BTRC: variants seen among roughly 807,000 people sequenced by gnomAD.
BTRC encodes the protein beta-transducin repeat containing E3 ubiquitin protein ligase, also known as F-box/WD repeat-containing protein 1A.
BTRC carries 42 observed loss-of-function variants against 85.5 expected under a neutral mutation model. The observed-to-expected ratio is 0.49, with a 90% CI of 0.38 to 0.64. The LOEUF (loss-of-function observed/expected upper bound fraction) is 0.64. BTRC is among the 30% of genes least tolerant of loss of function. BTRC has a pLI of 0.00. For missense variants in BTRC, 594 were observed against 743.5 expected, an observed-to-expected ratio of 0.80 and a Z score of 2.34; for synonymous variants, 255 against 263.3, an observed-to-expected ratio of 0.97 and a Z score of 0.30.
intron 2 of BTRC, among the ~76,000 whole-genome samples, chr10:101,445,612 T>C (rs1023174788): frequency 1.3e-5 from 2 of 152,250 alleles, no homozygotes; most frequent in South Asian, 2.1e-4. Flanking sequence ...TCTATTGGTC[T>C]CTTTTTAAAT....
intron 5 of BTRC, among the ~76,000 whole-genome samples, chr10:101,522,409 CTTTT>C (rs1176651688): frequency 0.013 from 388 of 29,446 alleles, no homozygotes; most frequent in African/African-American, 0.035. Context: ...ATAAAGACTC[CTTTT>C]TTTTTTTTTT....
intron 1 of BTRC, among the ~76,000 whole-genome samples, chr10:101,429,006 A>C (rs1386492410): frequency 6.6e-6 from 1 of 152,210 alleles, no homozygotes; most frequent in Non-Finnish European, 1.5e-5. Flanking sequence ...TAAACAGTGA[A>C]TACCATATTT....
intron 4 of BTRC, among the ~76,000 whole-genome samples, chr10:101,495,231 G>A (rs184681817): frequency 6.6e-5 from 10 of 152,220 alleles, no homozygotes; most frequent in African/African-American, 2.4e-4. Context: ...GTAACATGTT[G>A]CTTTGTTGGT....
intron 2 of BTRC, among the ~76,000 whole-genome samples, chr10:101,446,553 T>G (rs1944831643): frequency 6.6e-6 from 1 of 152,216 alleles, no homozygotes; most frequent in Non-Finnish European, 1.5e-5. Context: ...AAATTCTTGC[T>G]TTTTTGGCTA....
chr10:101,429,497 T>A (rs1944342719), intron 1 of BTRC, among the ~76,000 whole-genome samples: 1 of 103,016 alleles, frequency 9.7e-6, no homozygotes, highest in African/African-American at 3.1e-5. Flanking sequence ...TTCCTCTTCC[T>A]CTCCCCTCCC....
chr10:101,533,222 G>T (rs531642585), intron 9 of BTRC, 152 bp downstream of exon 9: 3 of 518,120 alleles, frequency 5.8e-6, no homozygotes, highest in African/African-American at 5.7e-5. Flanking sequence ...TCTAGAACTA[G>T]AAAACTTGAT....
At chr10:101,488,486 T>C (rs1009724476) in intron 4 of BTRC, among the ~76,000 whole-genome samples, 1 of 152,166 alleles carries the variant, frequency 6.6e-6, no homozygotes. Flanking sequence ...AGCTCAGATA[T>C]ACTAAAATTG....
chr10:101,390,637 T>A (rs1387881814), intron 1 of BTRC, among the ~76,000 whole-genome samples: 1 of 152,110 alleles, frequency 6.6e-6, no homozygotes, highest in Non-Finnish European at 1.5e-5. Flanking sequence ...TGGCCTGGTA[T>A]GATAATTTTC....
chr10:101,546,389 ATAAAT>A (rs1260148487), intron 13 of BTRC, among the ~76,000 whole-genome samples: 1 of 152,170 alleles, frequency 6.6e-6, no homozygotes, highest in African/African-American at 2.4e-5. Context: ...AAATTGCAAG[ATAAAT>A]TGAAATGTAT....
intron 5 of BTRC, among the ~76,000 whole-genome samples, chr10:101,523,277 TAGAA>T (rs2062146034): frequency 2.0e-5 from 3 of 152,306 alleles, no homozygotes; most frequent in Admixed American, 2.0e-4. Flanking sequence ...TTGAAGTTTT[TAGAA>T]AGAAGGATAT....
chr10:101,362,702 A>G (rs1942248127), intron 1 of BTRC, among the ~76,000 whole-genome samples: 1 of 152,094 alleles, frequency 6.6e-6, no homozygotes, highest in Non-Finnish European at 1.5e-5. Flanking sequence ...GCCAGAAGAA[A>G]TTTTTTGTGT....
At chr10:101,389,226 T>G (rs1254652081) in intron 1 of BTRC, among the ~76,000 whole-genome samples, 1 of 145,654 alleles carries the variant, frequency 6.9e-6, no homozygotes, top group East Asian at 2.2e-4. Context: ...CATCATTGGC[T>G]CCTCACTTTT....
chr10:101,470,350 T>C, intron 3 of BTRC, among the ~76,000 whole-genome samples: 1 of 117,538 alleles, frequency 8.5e-6, no homozygotes, highest in East Asian at 2.9e-4. Flanking sequence ...TTTTTTTTTT[T>C]GAGACGGAGT....
At chr10:101,431,343 C>T (rs1168940380) in intron 2 of BTRC, among the ~76,000 whole-genome samples, 1 of 151,784 alleles carries the variant, frequency 6.6e-6, no homozygotes, top group Non-Finnish European at 1.5e-5. Flanking sequence ...TCCCAAAGTG[C>T]TGGAATTACA....
At chr10:101,542,899 G>A (rs910205576) in intron 13 of BTRC, among the ~76,000 whole-genome samples, 2 of 151,798 alleles carry the variant, frequency 1.3e-5, no homozygotes, top group Admixed American at 6.6e-5. Context: ...TTTTTGAGAC[G>A]GAGTTTCTCT....
chr10:101,512,354 T>C (rs2061968065), intron 4 of BTRC, among the ~76,000 whole-genome samples: 1 of 152,226 alleles, frequency 6.6e-6, no homozygotes, highest in Non-Finnish European at 1.5e-5. Context: ...TCCTTAGATA[T>C]CTTTTATCAT....
chr10:101,545,552 A>G (rs971312280), intron 13 of BTRC, among the ~76,000 whole-genome samples: 9 of 152,222 alleles, frequency 5.9e-5, no homozygotes, highest in African/African-American at 2.2e-4. Flanking sequence ...CCCTAATCCA[A>G]TATGACTGGT....
rs112506533 is a variant in BTRC, at chr10:101,437,608, A to G, written c.156+7156A>G. Among the ~76,000 whole-genome samples the G allele has an allele frequency of 3.0e-4, 46 of 152,332 alleles. 2 individuals carry two copies. The highest frequency in any genetic ancestry group is 2.5e-3 in the East Asian group (13 of 5,192). On this transcript the variant is annotated intron_variant, in intron 2 of 14. Transcript: ENST00000370187. ...TACTAGTAATTTCTGAATTTCACCT[A>G]TATCATATTGCTCAAATTCTACATT...
At chr10:101,375,972 A>G (rs1368788381) in intron 1 of BTRC, among the ~76,000 whole-genome samples, 2 of 152,230 alleles carry the variant, frequency 1.3e-5, no homozygotes, top group Admixed American at 1.3e-4. Context: ...GAACCAGAGT[A>G]AAAGGTGAGG....
Sources: gnomAD v4.1 joint callset for allele counts (sites outside exome capture counted in the v4.1 genomes callset) on GRCh38, gnomAD v4.1.1 for gene constraint, MANE v1.5 for transcripts, NCBI Gene and HGNC (gene_info 2026-07-23, HGNC 2026-07-21) for gene names.